Variants in BIN2 observed in about 807,000 individuals in gnomAD.
The protein encoded by BIN2 is breast cancer associated protein BRAP1.
A neutral mutation model predicts 67.9 loss-of-function variants in BIN2; 43 were observed. The ratio of observed to expected loss-of-function variants is 0.63; its 90% CI spans 0.50 to 0.82. BIN2 has a LOEUF of 0.82. Among genes scored for constraint, BIN2 ranks in the 40% least tolerant of loss-of-function variants. The pLI is 0.00. For synonymous variants in BIN2, 244 were observed against 246.8 expected, an observed-to-expected ratio of 0.99 and a Z score of 0.11; for missense variants, 581 against 671.6, an observed-to-expected ratio of 0.87 and a Z score of 1.49.
Position 51,297,127 on chromosome 12 carries a change from A to G in BIN2, c.640T>C (p.Ser214Pro), listed in dbSNP as rs767620861. ...CTGTAGAAGACATCCCTCAAGTTGG[A>G]AATGTTTTGGAAGATGGTCACATAG... Reference protein sequence around the residue: ...GCYVTIFQNISNLRDVFYREM... With the variant: ...GCYVTIFQNIPNLRDVFYREM... Residue 214 changes from serine (S) to proline (P), a missense_variant, in exon 8 of 13, where the codon TCC becomes CCC. Transcript: ENST00000615107. 5 of 1,614,108 alleles carry G rather than the reference A, an allele frequency of 3.1e-6. No homozygotes were observed. The highest frequency in any genetic ancestry group is 4.2e-6 in the Non-Finnish European group (5 of 1,179,966).
chr12:51,302,245 T>C (rs2137398678), intron 4 of BIN2, 130 bp from the exon 5 acceptor site: 1 of 640,616 alleles, frequency 1.6e-6, no homozygotes, highest in Non-Finnish European at 2.7e-6. Context: ...TGTTGGATTC[T>C]GGGGACTAGT....
chr12:51,321,646 G>C (rs1459495277), intron 1 of BIN2, among the ~76,000 whole-genome samples: 2 of 152,142 alleles, frequency 1.3e-5, no homozygotes, highest in African/African-American at 2.4e-5. Context: ...AGATCCACCT[G>C]CCTGGGCCTC....
intron 12 of BIN2, among the ~76,000 whole-genome samples, chr12:51,284,007 A>AAAG (rs56062398): frequency 7.5e-6 from 1 of 133,824 alleles, no homozygotes; most frequent in Non-Finnish European, 1.7e-5. Context: ...AAAAAAAAAA[A>AAAG]GAAAAGAAAA....
chr12:51,292,903 G>T (rs1266698402), intron 9 of BIN2, among the ~76,000 whole-genome samples: 1 of 152,138 alleles, frequency 6.6e-6, no homozygotes, highest in Admixed American at 6.6e-5. Flanking sequence ...TGGCCCCCAA[G>T]CTGTAGTGCT....
chr12:51,295,392 C>CAAAAA (rs1178848004), intron 9 of BIN2, among the ~76,000 whole-genome samples: 2 of 91,770 alleles, frequency 2.2e-5, no homozygotes, highest in Non-Finnish European at 4.4e-5. Flanking sequence ...ACTAAAAATA[C>CAAAAA]AAAAAAAAAA....
At chr12:51,312,962 G>C (rs1032141811) in intron 2 of BIN2, among the ~76,000 whole-genome samples, 2 of 152,150 alleles carry the variant, frequency 1.3e-5, no homozygotes, top group African/African-American at 4.8e-5. Context: ...GCCAGGTGCA[G>C]TGGCTCATGC....
chr12:51,311,773 AT>A (rs369512960), intron 2 of BIN2, among the ~76,000 whole-genome samples: 19 of 149,714 alleles, frequency 1.3e-4, no homozygotes, highest in African/African-American at 3.7e-4. Flanking sequence ...TTGATAATGA[AT>A]TTTTTTTTTC....
chr12:51,295,577 A>AAAT (rs1945533462), intron 9 of BIN2, among the ~76,000 whole-genome samples: 1 of 29,546 alleles, frequency 3.4e-5, no homozygotes, highest in Non-Finnish European at 6.1e-5. Flanking sequence ...AAAAAAAAAA[A>AAAT]ATATATATAT....
At position 51,324,139 on chromosome 12, in the gene BIN2, C is replaced by T. The variant is rs751935830; in HGVS notation, c.-37G>A. The T allele has an allele frequency of 5.3e-5, 85 of 1,608,540 alleles. No individual in the cohort carries two copies. The highest frequency in any genetic ancestry group is 6.8e-5 in the Non-Finnish European group (80 of 1,177,580). On this transcript the variant is annotated 5_prime_UTR_variant, in exon 1 of 13. Coordinates refer to ENST00000615107, the MANE Select transcript of BIN2 (RefSeq NM_016293.4). Reference sequence around the variant, plus strand: ...CCTGGGGGCCGCCGCCCTGGCCCCGCGCCCTGTGGTTTTCTGAGGCCCCCG... The same window carrying T: ...CCTGGGGGCCGCCGCCCTGGCCCCGTGCCCTGTGGTTTTCTGAGGCCCCCG...
At chr12:51,298,549 A>C (rs568638959) in intron 7 of BIN2, among the ~76,000 whole-genome samples, 1 of 151,928 alleles carries the variant, frequency 6.6e-6, no homozygotes, top group African/African-American at 2.4e-5. Flanking sequence ...AAAATAAATA[A>C]ATTAATTAAT....
intron 10 of BIN2, among the ~76,000 whole-genome samples, chr12:51,288,990 C>T (rs980078113): frequency 3.3e-5 from 5 of 152,074 alleles, no homozygotes; most frequent in African/African-American, 1.2e-4. Flanking sequence ...CCTCATGATC[C>T]GCCCACCTCA....
intron 1 of BIN2, among the ~76,000 whole-genome samples, chr12:51,317,736 C>T (rs929491101): frequency 6.6e-6 from 1 of 152,070 alleles, no homozygotes; most frequent in Non-Finnish European, 1.5e-5. Context: ...CGCCTGTAAT[C>T]CCAGCACTTT....
At chr12:51,324,658 G>A (rs896158011), upstream of BIN2, 1 of 924,948 alleles carries the variant, frequency 1.1e-6, no homozygotes, top group Admixed American at 3.5e-5. Flanking sequence ...GGGCTTGAAA[G>A]AGAGAAACAG....
At chr12:51,320,934 A>ACACACACACACACACACAC (rs1565693311) in intron 1 of BIN2, among the ~76,000 whole-genome samples, 3 of 39,080 alleles carry the variant, frequency 7.7e-5, no homozygotes, top group Admixed American at 2.6e-4. Flanking sequence ...TATCATACTA[A>ACACACACACACACACACAC]AAACACACAC....
intron 2 of BIN2, among the ~76,000 whole-genome samples, chr12:51,308,114 C>T (rs1163064296): frequency 6.6e-6 from 1 of 152,046 alleles, no homozygotes; most frequent in Non-Finnish European, 1.5e-5. Context: ...TATCTGTCCC[C>T]CCCTGGAATA....
intron 1 of BIN2, among the ~76,000 whole-genome samples, chr12:51,314,111 G>A (rs1054313103): frequency 4.0e-5 from 6 of 151,710 alleles, no homozygotes; most frequent in African/African-American, 9.7e-5. Flanking sequence ...GCAGTGGCAC[G>A]ATCTCGGCTC....
chr12:51,307,183 T>G (rs963328505), intron 2 of BIN2, among the ~76,000 whole-genome samples: 8 of 149,420 alleles, frequency 5.4e-5, no homozygotes, highest in African/African-American at 1.7e-4. Context: ...CTTGGGAGGC[T>G]GAGGCAGGAG....
At chr12:51,294,708 G>T (rs979940796) in intron 9 of BIN2, among the ~76,000 whole-genome samples, 2 of 151,864 alleles carry the variant, frequency 1.3e-5, no homozygotes, top group Non-Finnish European at 2.9e-5. Flanking sequence ...ATTATTTTAT[G>T]TGTGAAACAT....
At chr12:51,312,714 T>C (rs1175016132) in intron 2 of BIN2, among the ~76,000 whole-genome samples, 2 of 152,100 alleles carry the variant, frequency 1.3e-5, no homozygotes, top group African/African-American at 4.8e-5. Context: ...ATTTGAAATA[T>C]TCCATTAAAA....
Sources: gnomAD v4.1 joint callset for allele counts (sites outside exome capture counted in the v4.1 genomes callset) on GRCh38, gnomAD v4.1.1 for gene constraint, MANE v1.5 for transcripts, NCBI Gene and HGNC (gene_info 2026-07-23, HGNC 2026-07-21) for gene names.